PNPLA6: variants seen among roughly 807,000 people sequenced by gnomAD.
PNPLA6 encodes the protein patatin like domain 6, lysophospholipase, also known as patatin-like phospholipase domain-containing protein 6.
A neutral mutation model predicts 153.7 loss-of-function variants in PNPLA6; 105 were observed. The observed-to-expected ratio is 0.68, with a 90% confidence interval of 0.58 to 0.80. The LOEUF (loss-of-function observed/expected upper bound fraction) is 0.80, where lower values mean the gene tolerates loss of function less well. Among genes scored for constraint, PNPLA6 ranks in the 30% least tolerant of loss-of-function variants. PNPLA6 has a pLI of 0.00. For missense variants in PNPLA6, 1,423 were observed against 1,919.3 expected (o/e 0.74, Z 4.83); for synonymous variants, 825 against 822.2 (o/e 1.00, Z -0.06).
At chr19:7,552,769 GAA>G (rs2023710795) in intron 18 of PNPLA6, among the ~76,000 whole-genome samples, 1 of 26,076 alleles carries the variant, frequency 3.8e-5, no homozygotes, top group Non-Finnish European at 7.3e-5. Context: ...AAAAAAAAAA[GAA>G]AGAAAAAAAA....
At chr19:7,542,197 T>C (rs1242978499) in intron 10 of PNPLA6, 130 bp downstream of exon 10, 5 of 725,014 alleles carry the variant, frequency 6.9e-6, no homozygotes, top group African/African-American at 1.7e-5. Context: ...AGGCACTGTT[T>C]TGTAGATATT....
At position 7,555,090 on chromosome 19, in the gene PNPLA6, G is replaced by T. The variant is rs1330741916; in HGVS notation, c.2817+15G>T. The T allele has an allele frequency of 1.9e-6, 3 of 1,591,082 alleles. No homozygotes were observed. The highest frequency in any genetic ancestry group is 1.3e-5 in the African/African-American group (1 of 74,796). ...CTGCCAAGCTGGTGAGGAGCGGGCCGGCCCCCACCTTCTAGGGGCGTGGCT... is the reference window on the plus strand; with the variant it reads ...CTGCCAAGCTGGTGAGGAGCGGGCCTGCCCCCACCTTCTAGGGGCGTGGCT... On this transcript the variant is annotated intron_variant, in intron 22 of 31. Coordinates refer to ENST00000600737, the MANE Select transcript of PNPLA6 (RefSeq NM_001166114.2). This position sits in a 1 kb window ranked among gnomAD's most constrained non-coding sequence, Gnocchi z 6.3.
rs757260835 is a variant in PNPLA6 at position 7,550,057 on chromosome 19, C to G, written c.1759C>G (p.Leu587Val). ...CACTGGCGAACCTCTCATCTTCACA[C>G]TGCGAGCCCAACGCGACTGCACCTT... ...VLTGEPLIFTLRAQRDCTFLR... is the reference protein window; with the variant it reads ...VLTGEPLIFTVRAQRDCTFLR... Residue 587 changes from leucine to valine, a missense_variant, in exon 14 of 32, where the codon CTG (leucine) becomes GTG (valine). Leu to Val is a conservative substitution (Grantham distance 32, BLOSUM62 1). Coordinates refer to ENST00000600737, the MANE Select transcript of PNPLA6 (RefSeq NM_001166114.2). The G allele has an allele frequency of 1.2e-6, 2 of 1,614,006 alleles. No individual in the cohort carries two copies. Among genetic ancestry groups the G allele is most frequent in the African/African-American group, 2.7e-5 (2 of 74,948 alleles).
At position 7,556,907 on chromosome 19, in the gene PNPLA6, G is replaced by A. The variant is rs370819381; in HGVS notation, c.3280+183G>A. The A allele has an allele frequency of 2.9e-5, 20 of 692,808 alleles. 1 individual carries two copies. Among genetic ancestry groups the A allele is most frequent in the East Asian group, 2.2e-4 (8 of 37,174 alleles). 42.9% of individuals were successfully genotyped at this position (692,808 alleles called of 1,614,324 possible). A position where few individuals can be genotyped will look rare whatever the true frequency, so the allele number is the denominator to read the frequency against. On this transcript the variant is annotated intron_variant, in intron 26 of 31. Coordinates refer to ENST00000600737, the MANE Select transcript of PNPLA6 (RefSeq NM_001166114.2). ...GGAGACCCCAGGTACGTCCGTCCTT[G>A]GGGGAGGGGAGCAGGGAGACTCGTC...
chr19:7,555,479 C>G lies in PNPLA6; in HGVS notation c.2936+112C>G. On this transcript the variant is annotated intron_variant, in intron 23 of 31. Transcript: ENST00000600737. This position sits in a 1 kb window ranked among gnomAD's most constrained non-coding sequence, Gnocchi z 6.3. The stretch of plus-strand genomic sequence containing the variant: ...GTGTTCGAGGGTGGAGCTTCCCCTC[C>G]GGGAGAGACCCCGTGGGTAGGGGCG... 1 of 1,358,022 alleles carries G rather than the reference C, an allele frequency of 7.4e-7. No individual in the cohort carries two copies. The highest frequency in any genetic ancestry group is 1.0e-6 in the Non-Finnish European group (1 of 983,022). 84.1% of individuals were successfully genotyped at this position (1,358,022 alleles called of 1,614,324 possible).
At position 7,540,146 on chromosome 19, in the gene PNPLA6, C is replaced by T. The variant is rs764501990; in HGVS notation, c.555-3C>T. On this transcript the variant is annotated splice_polypyrimidine_tract_variant and splice_region_variant and intron_variant, in intron 4 of 31. Transcript: ENST00000600737. The surrounding 1 kb of genome is among the most constrained non-coding windows in gnomAD (Gnocchi z 6.8). Reference sequence around the variant, plus strand: ...CCTCTGTCGCCCACCGCCTGTCCAACAGGGTGCTGGGCCACTTCGAGAAGC... The same window carrying T: ...CCTCTGTCGCCCACCGCCTGTCCAATAGGGTGCTGGGCCACTTCGAGAAGC... The T allele has an allele frequency of 5.0e-6, 8 of 1,612,556 alleles. No homozygotes were observed. The South Asian group carries it at 5.5e-5, about 11-fold the overall frequency.
In PNPLA6 at chr19:7,560,607, G is replaced by A. The variant is rs752072172; in HGVS notation, c.3700-41G>A. 1.4e-5 allele frequency: 19 copies of A among 1,342,978 alleles called. No homozygotes were observed. In the Admixed American group the frequency reaches 2.0e-4, roughly 14 times the overall value. The allele number at this position is 1,342,978 out of a possible 1,614,324, so 83.2% of individuals were successfully genotyped here. A position where few individuals can be genotyped will look rare whatever the true frequency, so the allele number is the denominator to read the frequency against. Reference sequence around the variant, plus strand: ...GGCAGACAGAGTGGGGACAAGCAAAGCAGGGTTGCAGACATGGACCCAGCC... The same window carrying A: ...GGCAGACAGAGTGGGGACAAGCAAAACAGGGTTGCAGACATGGACCCAGCC... On this transcript the variant is annotated intron_variant, in intron 28 of 31. Coordinates refer to ENST00000600737, the MANE Select transcript of PNPLA6 (RefSeq NM_001166114.2).
chr19:7,553,933 A>G lies in PNPLA6; in HGVS notation c.2319A>G (p.Ala773=). The change falls in exon 19 of 32, where the codon GCA becomes GCG. Residue 773 remains alanine (A), a synonymous_variant. Transcript: ENST00000600737. ...SELTNPASNL[A]TVAILPVCAE... is the part of the protein sequence containing the mutation. ...TCACCAACCCAGCCAGCAACCTGGCAACTGTGGCAATCCTGCCTGTGTGTG... is the reference window on the plus strand; with the variant it reads ...TCACCAACCCAGCCAGCAACCTGGCGACTGTGGCAATCCTGCCTGTGTGTG... 6.2e-7 allele frequency: 1 copy of G among 1,614,210 alleles called. No individual in the cohort carries two copies. Among genetic ancestry groups the G allele is most frequent in the Non-Finnish European group, 8.5e-7 (1 of 1,180,044 alleles).
rs937128986 is a variant in PNPLA6 at position 7,555,190 on chromosome 19, G to A, written c.2818-59G>A. ...AGGCTCGAAGGTCAGGGTACCCCTG[G>A]GGGATCCGCCGGACCCCGCCCTCAT... On this transcript the variant is annotated intron_variant, in intron 22 of 31. Transcript: ENST00000600737. The surrounding 1 kb of genome is among the most constrained non-coding windows in gnomAD (Gnocchi z 6.3). 5.2e-6 allele frequency: 8 copies of A among 1,530,580 alleles called. No individual in the cohort carries two copies. The highest frequency in any genetic ancestry group is 7.1e-6 in the Non-Finnish European group (8 of 1,126,020). 94.8% of individuals were successfully genotyped at this position (1,530,580 alleles called of 1,614,324 possible). A position where few individuals can be genotyped will look rare whatever the true frequency, so the allele number is the denominator to read the frequency against.
intron 13 of PNPLA6, among the ~76,000 whole-genome samples, chr19:7,546,202 T>C (rs899649900): frequency 1.3e-5 from 2 of 152,018 alleles, no homozygotes; most frequent in Non-Finnish European, 2.9e-5. Flanking sequence ...TGTTGTGTGG[T>C]GGGAAGAAAT....
At chr19:7,535,599 G>C (rs370131432), upstream of PNPLA6, 43 of 1,599,896 alleles carry the variant, frequency 2.7e-5, no homozygotes, top group African/African-American at 4.5e-4. The surrounding 1 kb of genome is among the most constrained non-coding windows in gnomAD (Gnocchi z 5.0). Context: ...GGCGGAGACC[G>C]GGTAGGTGCC....
At position 7,555,718 on chromosome 19, in the gene PNPLA6, G is replaced by C; in HGVS notation, c.3048G>C (p.Glu1016Asp). Residue 1016 changes from glutamate to aspartate, a missense_variant, in exon 24 of 32, where the codon GAG (glutamate) becomes GAC (aspartate). Glu to Asp is a conservative substitution (Grantham distance 45). Around this residue, in one of 10 missense-constraint regions of PNPLA6, gnomAD observed 643 missense variants for 835.2 expected, o/e 0.77. Transcript: ENST00000600737. This position sits in a 1 kb window ranked among gnomAD's most constrained non-coding sequence, Gnocchi z 6.3. ...TCATCGGAGCGTTGTACGCGGAGGA[G>C]CGCAGCGCCAGCCGCACGAAGCAGC... is the stretch of plus-strand genomic sequence containing the variant. ...GSFIGALYAEERSASRTKQRA... is the reference protein window; with the variant it reads ...GSFIGALYAEDRSASRTKQRA... The C allele has an allele frequency of 1.2e-6, 2 of 1,613,886 alleles. No individual in the cohort carries two copies. The highest frequency in any genetic ancestry group is 1.7e-6 in the Non-Finnish European group (2 of 1,179,898).
At chr19:7,545,567 G>C (rs1344947343) in intron 13 of PNPLA6, among the ~76,000 whole-genome samples, 1 of 152,090 alleles carries the variant, frequency 6.6e-6, no homozygotes, top group Non-Finnish European at 1.5e-5. Context: ...AAAGAAACGT[G>C]TTTACCCAGC....
chr19:7,534,718 C>G (rs1170340654), upstream of PNPLA6: 1 of 152,594 alleles, frequency 6.6e-6, no homozygotes, highest in Non-Finnish European at 1.5e-5. Flanking sequence ...TCCCCACCCA[C>G]TAATCCCAGC....
At chr19:7,537,848 G>T (rs899808216) in intron 3 of PNPLA6, among the ~76,000 whole-genome samples, 1 of 152,038 alleles carries the variant, frequency 6.6e-6, no homozygotes, top group Non-Finnish European at 1.5e-5. Context: ...CACCATGTTG[G>T]CCAGGATGGT....
chr19:7,558,833 C>T lies in PNPLA6; in HGVS notation c.3398-17C>T, dbSNP rs779464130. On this transcript the variant is annotated splice_polypyrimidine_tract_variant and intron_variant, in intron 27 of 31. Coordinates refer to ENST00000600737, the MANE Select transcript of PNPLA6 (RefSeq NM_001166114.2). ...GCCCCCGAGGGGAGCAGCCCGCTGA[C>T]CCCCCTGGCCCCACAGCGGACATCG... is the stretch of plus-strand genomic sequence containing the variant. 1.8e-5 allele frequency: 29 copies of T among 1,595,458 alleles called. No homozygotes were observed. In the East Asian group the frequency reaches 6.5e-4, roughly 36 times the overall value.
chr19:7,548,801 C>CTTTTTT (rs1159787936), intron 13 of PNPLA6, among the ~76,000 whole-genome samples: 3 of 67,232 alleles, frequency 4.5e-5, no homozygotes, highest in East Asian at 3.1e-4. Context: ...AAAAATTTTT[C>CTTTTTT]TTTTTTTTTT....
At position 7,542,866 on chromosome 19, in the gene PNPLA6, C is replaced by G; in HGVS notation, c.1468C>G (p.Arg490Gly). The G allele has an allele frequency of 6.2e-7, 1 of 1,613,118 alleles. No homozygotes were observed. Among genetic ancestry groups the G allele is most frequent in the Non-Finnish European group, 8.5e-7 (1 of 1,179,880 alleles). Reference sequence around the variant, plus strand: ...CTGCCCTTTCGGGCCCTACCAGGGCCGCCAGACCAGCAGCATCTTCGAGGC... The same window carrying G: ...CTGCCCTTTCGGGCCCTACCAGGGCGGCCAGACCAGCAGCATCTTCGAGGC... ...GGCPFGPYQG[R>G]QTSSIFEAAK... Residue 490 changes from arginine (R) to glycine (G), a missense_variant, in exon 12 of 32, where the codon CGC becomes GGC. Arg to Gly is a moderately radical substitution (Grantham distance 125, BLOSUM62 -2). Transcript: ENST00000600737.
chr19:7,555,322 T>A lies in PNPLA6; in HGVS notation c.2891T>A (p.Leu964His). ...GACTTCTCCCGCTTGGCGAGGGTGC[T>A]CACGGGGAACACCATTGCCCTTGTG... ...HSDFSRLARV[L>H]TGNTIALVLG... The change falls in exon 23 of 32, where the codon CTC (leucine) becomes CAC (histidine). Residue 964 changes from leucine (L) to histidine (H), a missense_variant. Transcript: ENST00000600737. This position sits in a 1 kb window ranked among gnomAD's most constrained non-coding sequence, Gnocchi z 6.3. 6.4e-7 allele frequency: 1 copy of A among 1,573,572 alleles called. No homozygotes were observed. The highest frequency in any genetic ancestry group is 8.6e-7 in the Non-Finnish European group (1 of 1,160,280).
Sources: allele counts gnomAD v4.1 joint callset (sites outside exome capture counted in the v4.1 genomes callset), GRCh38; gene constraint gnomAD v4.1.1; regional missense constraint gnomAD v4.1.1; non-coding constraint Gnocchi (gnomAD v3.1); transcripts MANE v1.5; gene names NCBI Gene and HGNC (gene_info 2026-07-23, HGNC 2026-07-21).